Variants in WWOX observed in about 807,000 individuals in gnomAD.
WWOX encodes WW domain containing oxidoreductase.
WWOX carries 69 observed loss-of-function variants against 46.2 expected under a neutral mutation model. The ratio of observed to expected loss-of-function variants is 1.49; its 90% CI spans 1.23 to 1.82. The LOEUF (loss-of-function observed/expected upper bound fraction) is 1.82, where lower values mean the gene tolerates loss of function less well. WWOX is among the 40% of genes most tolerant of loss of function. WWOX has a pLI of 0.00. For missense variants in WWOX, 919 were observed against 542.6 expected, an observed-to-expected ratio of 1.69 and a Z score of -6.89; for synonymous variants, 359 against 202.6, an observed-to-expected ratio of 1.77 and a Z score of -6.56.
chr16:78,396,943 G>A (rs4609864), intron 6 of WWOX, among the ~76,000 whole-genome samples: 89,084 of 152,068 alleles, frequency 0.59, 28,517 homozygotes, highest in Non-Finnish European at 0.74. Flanking sequence ...ACTACTCCTT[G>A]GACGGTGGCC....
intron 8 of WWOX, among the ~76,000 whole-genome samples, chr16:78,488,215 T>C (rs2738702): frequency 0.12 from 17,527 of 152,206 alleles, 1,303 homozygotes; most frequent in African/African-American, 0.21. Flanking sequence ...GGAAGCTCTT[T>C]ATCCTGGTAC....
chr16:78,468,189 G>T (rs2084127683), intron 8 of WWOX, among the ~76,000 whole-genome samples: 1 of 151,368 alleles, frequency 6.6e-6, no homozygotes, highest in African/African-American at 2.4e-5. Context: ...CTTTCTACCA[G>T]TTCTCTGCTC....
intron 8 of WWOX, among the ~76,000 whole-genome samples, chr16:79,166,889 A>G (rs1035546675): frequency 6.6e-6 from 1 of 152,196 alleles, no homozygotes; most frequent in African/African-American, 2.4e-5. Flanking sequence ...TGTTCAGAAG[A>G]GACATTAAGC....
At chr16:78,126,842 T>G (rs1032228738) in intron 4 of WWOX, among the ~76,000 whole-genome samples, 8 of 152,216 alleles carry the variant, frequency 5.3e-5, no homozygotes, top group African/African-American at 1.9e-4. Context: ...AGTCCCAAGA[T>G]GACACAGTAG....
At chr16:79,158,139 G>C (rs1029603286) in intron 8 of WWOX, among the ~76,000 whole-genome samples, 1 of 152,164 alleles carries the variant, frequency 6.6e-6, no homozygotes, top group Non-Finnish European at 1.5e-5. Flanking sequence ...CAAGAGAGAA[G>C]TAGACAGAGA....
chr16:78,564,604 A>C (rs1013015543), intron 8 of WWOX, among the ~76,000 whole-genome samples: 1 of 152,118 alleles, frequency 6.6e-6, no homozygotes, highest in Non-Finnish European at 1.5e-5. Context: ...TCTCCTAAGC[A>C]ATCAATTTCT....
intron 8 of WWOX, among the ~76,000 whole-genome samples, chr16:78,772,349 G>C (rs763629669): frequency 6.6e-6 from 1 of 152,140 alleles, no homozygotes; most frequent in African/African-American, 2.4e-5. Flanking sequence ...AGCCCCGTCC[G>C]TGTTCTCGCA....
At chr16:78,502,347 C>T (rs1440175839) in intron 8 of WWOX, among the ~76,000 whole-genome samples, 1 of 152,194 alleles carries the variant, frequency 6.6e-6, no homozygotes, top group Non-Finnish European at 1.5e-5. Context: ...AATACCTCCT[C>T]TCTCCAGTTC....
intron 8 of WWOX, among the ~76,000 whole-genome samples, chr16:78,472,545 A>G (rs1471645451): frequency 6.6e-6 from 1 of 152,174 alleles, no homozygotes; most frequent in African/African-American, 2.4e-5. Context: ...ACAGTGGCTC[A>G]CGCCTGTAAT....
chr16:78,969,148 C>A (rs1414378515), intron 8 of WWOX, among the ~76,000 whole-genome samples: 7 of 152,038 alleles, frequency 4.6e-5, no homozygotes, highest in African/African-American at 1.7e-4. Flanking sequence ...GTTTCTGTGT[C>A]TGGTCTTATG....
At chr16:78,462,255 CTTG>C (rs1400204285) in intron 8 of WWOX, among the ~76,000 whole-genome samples, 5 of 141,510 alleles carry the variant, frequency 3.5e-5, no homozygotes, top group South Asian at 4.3e-4. Flanking sequence ...TTTTTTTTTT[CTTG>C]TTTCCTCTGG....
rs2034647300 is a variant in WWOX at position 78,157,517 on chromosome 16, G to T, written c.410-6666G>T. 1.3e-5 allele frequency among the ~76,000 whole-genome samples: 2 copies of T among 152,180 alleles called. 1 individual carries two copies. The highest frequency in any genetic ancestry group is 1.3e-4 in the Admixed American group (2 of 15,274). On this transcript the variant is annotated intron_variant, in intron 4 of 8. Coordinates refer to ENST00000566780, the MANE Select transcript of WWOX (RefSeq NM_016373.4). ...CTTTTACTACCCACACACCCAAGGG[G>T]AGTCAAATGGATTTAGGTGTTAAAT...
In WWOX at chr16:78,890,140, A is replaced by T. The variant is rs1380359248; in HGVS notation, c.1057-321468A>T. On this transcript the variant is annotated intron_variant, in intron 8 of 8. Transcript: ENST00000566780. The stretch of plus-strand genomic sequence containing the variant: ...ATACACACATTTTTTCCTAAACAAC[A>T]TCAATGTCATAACAGTTTTGAAGCA... The T allele has an allele frequency of 2.6e-5, 4 of 152,182 alleles. 1 individual carries two copies. Among genetic ancestry groups the T allele is most frequent in the Non-Finnish European group, 1.5e-5 (1 of 68,036 alleles). 9.4% of individuals were successfully genotyped at this position (152,182 alleles called of 1,614,324 possible). A position where few individuals can be genotyped will look rare whatever the true frequency, so the allele number is the denominator to read the frequency against.
intron 8 of WWOX, among the ~76,000 whole-genome samples, chr16:78,512,868 C>T (rs376904117): frequency 2.0e-5 from 3 of 152,284 alleles, no homozygotes; most frequent in African/African-American, 7.2e-5. Context: ...CCATTGGAAT[C>T]ACTTTGGAAG....
intron 4 of WWOX, among the ~76,000 whole-genome samples, chr16:78,145,722 G>C (rs182111999): frequency 3.3e-5 from 5 of 152,086 alleles, no homozygotes. Flanking sequence ...AGGCTTCTTC[G>C]TGTTCACATA....
At chr16:78,599,961 G>T (rs980751064) in intron 8 of WWOX, among the ~76,000 whole-genome samples, 1 of 152,080 alleles carries the variant, frequency 6.6e-6, no homozygotes, top group African/African-American at 2.4e-5. Flanking sequence ...CATACCTGAG[G>T]CTGCATAATT....
intron 8 of WWOX, chr16:78,896,291 C>T (rs923467452): frequency 6.6e-6 from 1 of 150,858 alleles, no homozygotes; most frequent in East Asian, 2.0e-4. Flanking sequence ...TTTTCAGAGA[C>T]AAAAATTTGG....
chr16:78,849,856 T>C (rs994070392), intron 8 of WWOX, among the ~76,000 whole-genome samples: 2 of 152,116 alleles, frequency 1.3e-5, no homozygotes, highest in African/African-American at 4.8e-5. Context: ...TCAGATCACC[T>C]AAGGTTGGGA....
chr16:78,468,968 C>G (rs896366834), intron 8 of WWOX, among the ~76,000 whole-genome samples: 3 of 152,216 alleles, frequency 2.0e-5, no homozygotes, highest in African/African-American at 4.8e-5. Flanking sequence ...CGATGTCTTA[C>G]ATCAGTAGTT....
Sources: gnomAD v4.1 joint callset for allele counts (sites outside exome capture counted in the v4.1 genomes callset) on GRCh38, gnomAD v4.1.1 for gene constraint, MANE v1.5 for transcripts, NCBI Gene and HGNC (gene_info 2026-07-23, HGNC 2026-07-21) for gene names.